The following TMEM131 variants were observed in gnomAD, a reference collection of about 807,000 sequenced individuals.
TMEM131 encodes 2610524E03Rik.
Under a neutral mutation model 211.6 loss-of-function variants are expected in TMEM131, and 66 were observed. The ratio of observed to expected loss-of-function variants is 0.31; its 90% confidence interval spans 0.26 to 0.38. The LOEUF (loss-of-function observed/expected upper bound fraction) is 0.38, where lower values mean the gene tolerates loss of function less well. Ranked by LOEUF, TMEM131 falls within the 10% of genes least tolerant of loss-of-function variation. The pLI, the probability that TMEM131 is intolerant of heterozygous loss-of-function variation, is 1.00. For missense variants in TMEM131, 2,036 were observed against 2,299.3 expected (o/e 0.89, Z 2.34); for synonymous variants, 844 against 841.3 (o/e 1.00, Z -0.06).
At chr2:97,854,838 T>C (rs1322276467) in intron 5 of TMEM131, among the ~76,000 whole-genome samples, 2 of 152,178 alleles carry the variant, frequency 1.3e-5, no homozygotes, top group Admixed American at 6.6e-5. Flanking sequence ...CAAACAGTCC[T>C]ACCTCACGCC....
At chr2:97,771,275 C>T (rs1679450289) in intron 33 of TMEM131, among the ~76,000 whole-genome samples, 2 of 152,146 alleles carry the variant, frequency 1.3e-5, no homozygotes, top group African/African-American at 4.8e-5. Flanking sequence ...TTCATAAATT[C>T]AGGGACAAGG....
At chr2:97,902,301 T>C (rs1296394531) in intron 3 of TMEM131, among the ~76,000 whole-genome samples, 3 of 152,208 alleles carry the variant, frequency 2.0e-5, no homozygotes, top group Non-Finnish European at 4.4e-5. Flanking sequence ...CTAAACACCG[T>C]ACTCTTTTTT....
chr2:97,967,180 C>G (rs1275497190), intron 1 of TMEM131, among the ~76,000 whole-genome samples: 9 of 152,200 alleles, frequency 5.9e-5, no homozygotes, highest in Admixed American at 5.9e-4. Context: ...ATTTCATAAG[C>G]TGACTGATAC....
chr2:97,995,046 G>T (rs1422841882), intron 1 of TMEM131, among the ~76,000 whole-genome samples: 1 of 152,212 alleles, frequency 6.6e-6, no homozygotes, highest in Admixed American at 6.5e-5. Context: ...AGAAATGTCT[G>T]AACAAATTCA....
chr2:97,858,369 TTTTA>T (rs1338666457), intron 5 of TMEM131, among the ~76,000 whole-genome samples: 1 of 152,242 alleles, frequency 6.6e-6, no homozygotes, highest in African/African-American at 2.4e-5. Flanking sequence ...AAGATACCAT[TTTTA>T]TTTATTTGGT....
intron 1 of TMEM131, among the ~76,000 whole-genome samples, chr2:97,961,543 G>A (rs1045477269): frequency 7.2e-5 from 11 of 152,070 alleles, no homozygotes; most frequent in African/African-American, 2.4e-4. Flanking sequence ...TGTTGTTTTC[G>A]AAATTGACAA....
chr2:97,841,380 A>C (rs1007435423), intron 7 of TMEM131, among the ~76,000 whole-genome samples: 5 of 152,202 alleles, frequency 3.3e-5, no homozygotes, highest in Non-Finnish European at 7.3e-5. Context: ...ATTCTATATT[A>C]CCCTTTCCCT....
intron 3 of TMEM131, among the ~76,000 whole-genome samples, chr2:97,898,594 A>G (rs1675716667): frequency 6.6e-6 from 1 of 152,326 alleles, no homozygotes; most frequent in East Asian, 1.9e-4. Flanking sequence ...ACAAGCTAGG[A>G]AAACAGGTCT....
intron 1 of TMEM131, among the ~76,000 whole-genome samples, chr2:97,928,280 A>C (rs1433258198): frequency 6.6e-6 from 1 of 152,184 alleles, no homozygotes; most frequent in Non-Finnish European, 1.5e-5. Flanking sequence ...AAAAGGGACA[A>C]TTATGGAGAT....
chr2:97,773,448 C>T (rs773101835), intron 32 of TMEM131, among the ~76,000 whole-genome samples: 16 of 152,254 alleles, frequency 1.1e-4, no homozygotes, highest in African/African-American at 1.4e-4. Flanking sequence ...CTGTCCTGCC[C>T]GCTAAAATGT....
intron 11 of TMEM131, among the ~76,000 whole-genome samples, chr2:97,824,853 C>A (rs1682297967): frequency 1.3e-5 from 2 of 152,198 alleles, no homozygotes; most frequent in Admixed American, 6.5e-5. Context: ...CCTGCAACAC[C>A]CCAATTCTAG....
intron 1 of TMEM131, among the ~76,000 whole-genome samples, chr2:97,950,859 G>A (rs1027911830): frequency 1.3e-5 from 2 of 152,058 alleles, no homozygotes; most frequent in Non-Finnish European, 2.9e-5. Context: ...TAGCCAATAA[G>A]GATTAAAAGG....
chr2:97,814,411 C>G, intron 13 of TMEM131, 23 bp from the exon 14 acceptor site: 1 of 1,544,714 alleles, frequency 6.5e-7, no homozygotes, highest in East Asian at 2.3e-5. Flanking sequence ...ACAACAAGAA[C>G]AAAATAAATC....
chr2:97,988,027 T>TAG (rs1680103074), intron 1 of TMEM131, among the ~76,000 whole-genome samples: 1 of 152,206 alleles, frequency 6.6e-6, no homozygotes, highest in Admixed American at 6.5e-5. Context: ...AGAAGACAGT[T>TAG]AGAGGTCTCA....
intron 40 of TMEM131, among the ~76,000 whole-genome samples, chr2:97,758,328 A>T (rs1442606507): frequency 6.6e-6 from 1 of 152,218 alleles, no homozygotes; most frequent in African/African-American, 2.4e-5. Context: ...TTTCTGTCAT[A>T]ATTTTGTGGA....
At chr2:97,826,286 G>C (rs1000434845) in intron 11 of TMEM131, among the ~76,000 whole-genome samples, 12 of 152,090 alleles carry the variant, frequency 7.9e-5, no homozygotes, top group African/African-American at 2.9e-4. Flanking sequence ...ACTGAGAAAG[G>C]GAAAAAGAAT....
At chr2:97,766,673 G>A (rs767023068) in intron 33 of TMEM131, 71 bp from the exon 34 acceptor site, 71 of 1,562,818 alleles carry the variant, frequency 4.5e-5, no homozygotes, top group African/African-American at 6.8e-5. Flanking sequence ...CATTAAGATT[G>A]TAATTCTTCT....
chr2:97,939,385 T>A (rs1476628203), intron 1 of TMEM131, among the ~76,000 whole-genome samples: 2 of 152,152 alleles, frequency 1.3e-5, no homozygotes, highest in African/African-American at 4.8e-5. Flanking sequence ...CATCAGAGAA[T>A]ACTATAAACA....
chr2:97,895,741 C>T (rs937997347), intron 3 of TMEM131, among the ~76,000 whole-genome samples: 4 of 151,990 alleles, frequency 2.6e-5, no homozygotes, highest in African/African-American at 4.8e-5. Context: ...TTTATTGCAT[C>T]GATTTGATTC....
Sources: allele counts gnomAD v4.1 joint callset (sites outside exome capture counted in the v4.1 genomes callset), GRCh38; gene constraint gnomAD v4.1.1; transcripts MANE v1.5; gene names NCBI Gene and HGNC (gene_info 2026-07-23, HGNC 2026-07-21).